Variants in ANKRD17 observed in about 807,000 individuals in gnomAD.
ANKRD17 encodes the protein ankyrin repeat domain-containing protein 17.
Under a neutral mutation model 229.7 loss-of-function variants are expected in ANKRD17, and 19 were observed. The observed-to-expected ratio is 0.08, with a 90% confidence interval of 0.06 to 0.12. The LOEUF (loss-of-function observed/expected upper bound fraction) is 0.12, where lower values mean the gene tolerates loss of function less well. Ranked by LOEUF, ANKRD17 falls within the 10% of genes least tolerant of loss-of-function variation. ANKRD17 has a pLI of 1.00. For missense variants in ANKRD17, 2,176 were observed against 3,176.8 expected, an observed-to-expected ratio of 0.68 and a Z score of 7.57; for synonymous variants, 1,112 against 1,146.1, an observed-to-expected ratio of 0.97 and a Z score of 0.60.
chr4:73,085,805 T>C (rs758540135), intron 29 of ANKRD17, among the ~76,000 whole-genome samples: 3 of 147,908 alleles, frequency 2.0e-5, no homozygotes, highest in Non-Finnish European at 3.0e-5. Context: ...AAGGCCAGGA[T>C]AGACTGCCTC....
At position 73,226,697 on chromosome 4, in the gene ANKRD17, A is replaced by G. The variant is rs1240602610; in HGVS notation, c.393+31579T>C. On this transcript the variant is annotated intron_variant, in intron 1 of 33. Transcript: ENST00000358602. ...CGTGAGCCACCGCACCTGGCCCAAT[A>G]GTAGTAATTTCTTTATTCTTTCTTT... 2.6e-5 allele frequency among the ~76,000 whole-genome samples: 4 copies of G among 151,498 alleles called. No individual in the cohort carries two copies. In the East Asian group the frequency reaches 7.8e-4, roughly 30 times the overall value.
intron 25 of ANKRD17, 179 bp from the exon 26 acceptor site, chr4:73,098,699 G>A (rs1723591109): frequency 1.2e-6 from 1 of 863,246 alleles, no homozygotes; most frequent in Non-Finnish European, 1.9e-6. Flanking sequence ...GTGTACCCAC[G>A]TTCTGTTCAA....
chr4:73,152,139 C>A (rs1731074513), intron 6 of ANKRD17, among the ~76,000 whole-genome samples: 1 of 151,992 alleles, frequency 6.6e-6, no homozygotes, highest in Non-Finnish European at 1.5e-5. Flanking sequence ...AAGCAGACGA[C>A]AAATTATAAT....
At chr4:73,206,428 GA>G (rs1739454231) in intron 1 of ANKRD17, among the ~76,000 whole-genome samples, 3 of 113,054 alleles carry the variant, frequency 2.7e-5, no homozygotes, top group Non-Finnish European at 6.0e-5. Flanking sequence ...AAGAAAGTGA[GA>G]GAGAGAGAGA....
chr4:73,088,132 T>C (rs1288130374), intron 29 of ANKRD17, among the ~76,000 whole-genome samples: 1 of 152,136 alleles, frequency 6.6e-6, no homozygotes, highest in Non-Finnish European at 1.5e-5. Flanking sequence ...CTTTTCAAAA[T>C]ACAAACTATA....
chr4:73,181,011 T>C lies in ANKRD17; in HGVS notation c.394-3478A>G, dbSNP rs996008584. Among the ~76,000 whole-genome samples the C allele has an allele frequency of 5.9e-5, 9 of 152,312 alleles. No homozygotes were observed. The South Asian group carries it at 1.0e-3, about 18-fold the overall frequency. On this transcript the variant is annotated intron_variant, in intron 1 of 33. Transcript: ENST00000358602. ...CTCACTGTCAGGATTCAAGCAACTA[T>C]TGAATAAGTCAGAATCTGTAAAGAA...
At chr4:73,216,185 C>A (rs764649456) in intron 1 of ANKRD17, among the ~76,000 whole-genome samples, 4 of 152,140 alleles carry the variant, frequency 2.6e-5, no homozygotes, top group African/African-American at 4.8e-5. Context: ...GCCACTCTCA[C>A]AAATTTTTTC....
At chr4:73,124,579 T>C (rs917607193) in intron 18 of ANKRD17, among the ~76,000 whole-genome samples, 2 of 152,180 alleles carry the variant, frequency 1.3e-5, no homozygotes, top group Non-Finnish European at 2.9e-5. Flanking sequence ...TTAAGTACCT[T>C]CTATGCCATG....
intron 1 of ANKRD17, among the ~76,000 whole-genome samples, chr4:73,189,110 T>C (rs1231683344): frequency 6.6e-6 from 1 of 152,130 alleles, no homozygotes; most frequent in Admixed American, 6.5e-5. Context: ...TTATAACATT[T>C]AAGGAATAGA....
At chr4:73,251,774 G>T (rs1745054624) in intron 1 of ANKRD17, among the ~76,000 whole-genome samples, 1 of 152,034 alleles carries the variant, frequency 6.6e-6, no homozygotes, top group African/African-American at 2.4e-5. Context: ...ATAAACTACT[G>T]TCATAAATGC....
In ANKRD17 at chr4:73,075,743, G is replaced by A. The variant is rs1720954279; in HGVS notation, c.*488C>T. 6.6e-6 allele frequency: 1 copy of A among 152,652 alleles called. No individual in the cohort carries two copies. The highest frequency in any genetic ancestry group is 2.1e-4 in the South Asian group (1 of 4,824). The allele number at this position is 152,652 out of a possible 1,614,324, so 9.5% of individuals were successfully genotyped here. A position where few individuals can be genotyped will look rare whatever the true frequency, so the allele number is the denominator to read the frequency against. ...AACATCCAGATTTCTGAATATGAAG[G>A]TACATATCTCACATTAATTTAAGTC... On this transcript the variant is annotated 3_prime_UTR_variant, in exon 34 of 34. Coordinates refer to ENST00000358602, the MANE Select transcript of ANKRD17 (RefSeq NM_032217.5).
intron 1 of ANKRD17, among the ~76,000 whole-genome samples, chr4:73,237,043 T>C (rs1299893681): frequency 6.6e-6 from 1 of 152,226 alleles, no homozygotes; most frequent in African/African-American, 2.4e-5. Flanking sequence ...TGTGAAGTAT[T>C]CATATGCCTG....
At chr4:73,112,710 T>C in intron 24 of ANKRD17, 3 of 769,528 alleles carry the variant, frequency 3.9e-6, no homozygotes, top group Non-Finnish European at 4.7e-6. Context: ...AAAACGCATA[T>C]GCATAATTAT....
intron 29 of ANKRD17, among the ~76,000 whole-genome samples, chr4:73,089,752 G>A (rs1359525810): frequency 6.6e-6 from 1 of 152,048 alleles, no homozygotes. Context: ...GGAGATCTTT[G>A]TATCTTCTAC....
chr4:73,124,781 T>C (rs1437319991), intron 18 of ANKRD17, 132 bp downstream of exon 18: 10 of 1,127,502 alleles, frequency 8.9e-6, no homozygotes, highest in South Asian at 1.8e-5. Context: ...TTTTTGTTAA[T>C]AGATAATAGT....
chr4:73,183,468 T>G (rs760142019), intron 1 of ANKRD17, among the ~76,000 whole-genome samples: 45 of 152,286 alleles, frequency 3.0e-4, no homozygotes, highest in Non-Finnish European at 3.7e-4. Flanking sequence ...GTTTTGTTTT[T>G]TTTGAGACAG....
At chr4:73,173,058 A>G (rs1734254128) in intron 2 of ANKRD17, among the ~76,000 whole-genome samples, 2 of 152,222 alleles carry the variant, frequency 1.3e-5, no homozygotes, top group African/African-American at 2.4e-5. Flanking sequence ...CCTGCTGCCT[A>G]CAAGAAACAC....
Position 73,175,169 on chromosome 4 carries a change from G to A in ANKRD17, c.547+2211C>T, listed in dbSNP as rs143998522. ...TTGACCTACAGTTCCACATGGCTGC[G>A]AGGCCTAAGGAAACTTACAATCATG... On this transcript the variant is annotated intron_variant, in intron 2 of 33. Coordinates refer to ENST00000358602, the MANE Select transcript of ANKRD17 (RefSeq NM_032217.5). Among the ~76,000 whole-genome samples, 20 of 152,236 alleles carry A rather than the reference G, an allele frequency of 1.3e-4. No individual in the cohort carries two copies. The East Asian group carries it at 3.1e-3, about 23-fold the overall frequency.
intron 10 of ANKRD17, among the ~76,000 whole-genome samples, chr4:73,145,362 T>C (rs773581514): frequency 6.6e-5 from 10 of 152,136 alleles, no homozygotes; most frequent in Non-Finnish European, 1.3e-4. Flanking sequence ...TAACAAACTT[T>C]TCTAAAACCA....
Sources: gnomAD v4.1 joint callset for allele counts (sites outside exome capture counted in the v4.1 genomes callset) on GRCh38, gnomAD v4.1.1 for gene constraint, MANE v1.5 for transcripts, NCBI Gene and HGNC (gene_info 2026-07-23, HGNC 2026-07-21) for gene names.